The following MORN5 variants were observed in gnomAD, a reference collection of about 807,000 sequenced individuals.
MORN5 encodes MORN repeat containing 5, also known as MORN repeat-containing protein 5.
A neutral mutation model predicts 22.1 loss-of-function variants in MORN5; 21 were observed. The observed-to-expected ratio is 0.95, with a 90% CI of 0.67 to 1.37. The LOEUF is 1.37. Among genes scored for constraint, MORN5 ranks in the 40% most tolerant of loss-of-function variants. The probability of loss-of-function intolerance (pLI) is 0.00; values close to 1 mark genes in which losing one functional copy is unlikely to be tolerated. For synonymous variants in MORN5, 73 were observed against 74.0 expected (o/e 0.99, Z 0.07); for missense variants, 211 against 215.1 (o/e 0.98, Z 0.12).
chr9:122,170,166 C>A (rs1198890445), intron 3 of MORN5, among the ~76,000 whole-genome samples: 4 of 152,032 alleles, frequency 2.6e-5, no homozygotes, highest in African/African-American at 9.7e-5. Context: ...GGTGTGGTGG[C>A]ATGCCTGTAA....
At position 122,166,932 on chromosome 9, in the gene MORN5, A is replaced by G. The variant is rs1411444; in HGVS notation, c.195+17A>G. 0.46 allele frequency: 744,208 copies of G among 1,605,924 alleles called. 178,034 individuals carry two copies. The highest frequency in any genetic ancestry group is 0.54 in the African/African-American group (40,068 of 74,712). On this transcript the variant is annotated intron_variant, in intron 2 of 4. Transcript: ENST00000373764. ...GCCATAAAGGTGATCAGCTGGGGGG[A>G]CGGATGCTGTGGAGGAGAGATCCTC...
At chr9:122,160,932 C>T (rs1008585935) in intron 1 of MORN5, among the ~76,000 whole-genome samples, 1 of 152,172 alleles carries the variant, frequency 6.6e-6, no homozygotes, top group Non-Finnish European at 1.5e-5. Context: ...CTGTAATTGA[C>T]TCTGGGCACA....
chr9:122,164,835 C>T (rs777877996), intron 1 of MORN5, among the ~76,000 whole-genome samples: 2 of 152,134 alleles, frequency 1.3e-5, no homozygotes, highest in African/African-American at 2.4e-5. Context: ...TGTTCTATGC[C>T]GGGCATTCTG....
intron 4 of MORN5, among the ~76,000 whole-genome samples, chr9:122,195,047 T>A (rs1212119010): frequency 6.7e-6 from 1 of 149,412 alleles, no homozygotes; most frequent in East Asian, 2.0e-4. Context: ...CAAATAAGTA[T>A]AGATTCAAAA....
At chr9:122,161,186 C>T (rs1458514373) in intron 1 of MORN5, among the ~76,000 whole-genome samples, 1 of 152,192 alleles carries the variant, frequency 6.6e-6, no homozygotes, top group Non-Finnish European at 1.5e-5. Flanking sequence ...CTGTGAAGCA[C>T]TCCCACCTTG....
At chr9:122,183,306 G>T (rs1443094526) in intron 4 of MORN5, among the ~76,000 whole-genome samples, 1 of 152,150 alleles carries the variant, frequency 6.6e-6, no homozygotes, top group Non-Finnish European at 1.5e-5. Flanking sequence ...ATAAGCTAGA[G>T]CCTCGCTGGC....
chr9:122,174,460 T>G (rs1829414411), intron 3 of MORN5, 36 bp from the exon 4 acceptor site: 1 of 1,609,276 alleles, frequency 6.2e-7, no homozygotes, highest in East Asian at 2.2e-5. Context: ...GATTTGGCCT[T>G]CATGGTGAAC....
rs1048165414 is a variant in MORN5, at chr9:122,197,586, G to A, written c.440-2299G>A. Among the ~76,000 whole-genome samples the A allele has an allele frequency of 1.3e-5, 2 of 152,168 alleles. No individual in the cohort carries two copies. The highest frequency in any genetic ancestry group is 4.8e-5 in the African/African-American group (2 of 41,442). Reference sequence around the variant, plus strand: ...GGAGGCATCTGTGATTCAAATTGGTGGCTGTACAGCCAGGTAGAGAGTGAA... The same window carrying A: ...GGAGGCATCTGTGATTCAAATTGGTAGCTGTACAGCCAGGTAGAGAGTGAA... On this transcript the variant is annotated intron_variant, in intron 4 of 4. Transcript: ENST00000373764. The surrounding 1 kb of genome is among the most constrained non-coding windows in gnomAD (Gnocchi z 5.7).
chr9:122,184,904 C>A (rs11790204), intron 4 of MORN5, among the ~76,000 whole-genome samples: 7,500 of 152,162 alleles, frequency 0.049, 356 homozygotes, highest in African/African-American at 0.12. Context: ...TTTACTAGTG[C>A]AAGAAAGAAA....
At chr9:122,163,316 C>T (rs978602795) in intron 1 of MORN5, among the ~76,000 whole-genome samples, 6 of 152,110 alleles carry the variant, frequency 3.9e-5, no homozygotes, top group South Asian at 4.1e-4. Context: ...AAGTAAGGCT[C>T]GGAGTAAACC....
intron 4 of MORN5, 74 bp from the exon 5 acceptor site, chr9:122,199,811 C>T (rs1168348337): frequency 2.0e-6 from 3 of 1,514,962 alleles, no homozygotes; most frequent in Non-Finnish European, 2.8e-6. Flanking sequence ...CAACGCCCCA[C>T]CTGGGGAACC....
At chr9:122,196,220 A>G (rs555794900) in intron 4 of MORN5, among the ~76,000 whole-genome samples, 33 of 152,152 alleles carry the variant, frequency 2.2e-4, no homozygotes, top group Admixed American at 7.2e-4. Flanking sequence ...CAGCCTCCCA[A>G]AGTGTTGGGA....
In MORN5 at chr9:122,197,927, T is replaced by C. The variant is rs1829930056; in HGVS notation, c.440-1958T>C. Among the ~76,000 whole-genome samples the C allele has an allele frequency of 6.6e-6, 1 of 152,190 alleles. No homozygotes were observed. Among genetic ancestry groups the C allele is most frequent in the African/African-American group, 2.4e-5 (1 of 41,456 alleles). On this transcript the variant is annotated intron_variant, in intron 4 of 4. Coordinates refer to ENST00000373764, the MANE Select transcript of MORN5 (RefSeq NM_198469.4). This position sits in a 1 kb window ranked among gnomAD's most constrained non-coding sequence, Gnocchi z 5.7. ...CCCAGGCAGCCTCCCCAGAGGAAAC[T>C]GAGGCTCACTGGCTGCTTGCCAGAG...
rs906272017 is a variant in MORN5, at chr9:122,166,687, G to T, written c.48-81G>T. 26 of 1,329,244 alleles carry T rather than the reference G, an allele frequency of 2.0e-5. No homozygotes were observed. In the African/African-American group the frequency reaches 3.2e-4, roughly 16 times the overall value. The allele number at this position is 1,329,244 out of a possible 1,614,324, so 82.3% of individuals were successfully genotyped here. On this transcript the variant is annotated intron_variant, in intron 1 of 4. Coordinates refer to ENST00000373764, the MANE Select transcript of MORN5 (RefSeq NM_198469.4). ...GAAGGATGAGAATGCTGAGAACGGG[G>T]TTCCTGCTCACTCTGTTGCCTGCCA...
chr9:122,181,738 G>A (rs1829540737), intron 4 of MORN5, among the ~76,000 whole-genome samples: 1 of 152,160 alleles, frequency 6.6e-6, no homozygotes, highest in Non-Finnish European at 1.5e-5. Flanking sequence ...ATCATGAATA[G>A]GTTACTTTTC....
intron 3 of MORN5, 62 bp downstream of exon 3, chr9:122,169,818 G>T: frequency 1.8e-6 from 2 of 1,120,682 alleles, no homozygotes; most frequent in Non-Finnish European, 2.7e-6. Context: ...GACAGTTTCG[G>T]ATAAGTGGAC....
intron 1 of MORN5, chr9:122,164,696 A>T: frequency 1.1e-6 from 1 of 895,854 alleles, no homozygotes; most frequent in Non-Finnish European, 1.3e-6. Flanking sequence ...TAGAACTTGA[A>T]TATGGAGATG....
intron 1 of MORN5, among the ~76,000 whole-genome samples, chr9:122,162,263 C>T (rs1231768339): frequency 6.6e-6 from 1 of 152,030 alleles, no homozygotes; most frequent in Non-Finnish European, 1.5e-5. Context: ...GATACTCAAT[C>T]AATTTTTTTT....
At chr9:122,169,607 G>A (rs748409408) in intron 2 of MORN5, 38 bp from the exon 3 acceptor site, 18 of 1,484,446 alleles carry the variant, frequency 1.2e-5, no homozygotes, top group Non-Finnish European at 1.7e-5. Context: ...AAAGCCTTCA[G>A]CTTCCTCAGA....
Sources: allele counts gnomAD v4.1 joint callset (sites outside exome capture counted in the v4.1 genomes callset), GRCh38; gene constraint gnomAD v4.1.1; non-coding constraint Gnocchi (gnomAD v3.1); transcripts MANE v1.5; gene names NCBI Gene and HGNC (gene_info 2026-07-23, HGNC 2026-07-21).